Variants in VDR observed in about 807,000 individuals in gnomAD.
VDR encodes the protein vitamin D3 receptor.
Under a neutral mutation model 39.7 loss-of-function variants are expected in VDR, and 19 were observed. That is an observed-to-expected ratio of 0.48 (90% CI 0.33 to 0.70). VDR has a LOEUF of 0.70. Ranked by LOEUF, VDR falls within the 30% of genes least tolerant of loss-of-function variation. The pLI, the probability that VDR is intolerant of heterozygous loss-of-function variation, is 0.02. For synonymous variants in VDR, 242 were observed against 215.8 expected, an observed-to-expected ratio of 1.12 and a Z score of -1.07; for missense variants, 442 against 570.5, an observed-to-expected ratio of 0.77 and a Z score of 2.29.
At chr12:47,851,518 C>T (rs537553904) in intron 7 of VDR, among the ~76,000 whole-genome samples, 2 of 152,322 alleles carry the variant, frequency 1.3e-5, no homozygotes, top group African/African-American at 4.8e-5. Context: ...TCCCCACACC[C>T]TCCGCCCCTG....
rs140258678 is a variant in VDR at position 47,898,992 on chromosome 12, G to T, written c.-84+5963C>A. Among the ~76,000 whole-genome samples, 769 of 152,242 alleles carry T rather than the reference G, an allele frequency of 5.1e-3. 6 individuals carry two copies. Among genetic ancestry groups the T allele is most frequent in the African/African-American group, 0.018 (732 of 41,512 alleles). On this transcript the variant is annotated intron_variant, in intron 1 of 9. Transcript: ENST00000549336. ...TCTTAACTTAGGTGGTAGGTACAGGGTATAGGATTCTTTAATCTATACATA... is the reference window on the plus strand; with the variant it reads ...TCTTAACTTAGGTGGTAGGTACAGGTTATAGGATTCTTTAATCTATACATA...
intron 1 of VDR, among the ~76,000 whole-genome samples, chr12:47,883,976 G>C (rs769073225): frequency 2.0e-5 from 3 of 152,252 alleles, no homozygotes; most frequent in Non-Finnish European, 4.4e-5. Context: ...GGCAGTGGGA[G>C]GTGTCTGCTG....
chr12:47,863,126 G>T (rs1222622254), intron 4 of VDR, among the ~76,000 whole-genome samples: 4 of 152,172 alleles, frequency 2.6e-5, no homozygotes, highest in Non-Finnish European at 5.9e-5. Context: ...CCTGGGCAGG[G>T]CCCCCTGATT....
intron 6 of VDR, 43 bp downstream of exon 6, chr12:47,857,086 G>T: frequency 6.2e-7 from 1 of 1,612,366 alleles, no homozygotes; most frequent in Non-Finnish European, 8.5e-7. Flanking sequence ...TGGACTCCTC[G>T]CCCCCGCTCC....
chr12:47,856,850 T>C (rs1052448055), intron 6 of VDR, among the ~76,000 whole-genome samples: 1 of 152,170 alleles, frequency 6.6e-6, no homozygotes, highest in African/African-American at 2.4e-5. Flanking sequence ...GAGGGGGCCA[T>C]GGGCTGAAGC....
chr12:47,865,001 T>C, intron 4 of VDR, 46 bp downstream of exon 4: 6 of 1,609,796 alleles, frequency 3.7e-6, no homozygotes, highest in Non-Finnish European at 5.1e-6. Context: ...GGCCTTTCCC[T>C]GACTCCACTT....
chr12:47,871,292 C>CTCTTTTTCTT (rs1555153494), intron 3 of VDR, among the ~76,000 whole-genome samples: 5 of 79,880 alleles, frequency 6.3e-5, no homozygotes, highest in African/African-American at 2.3e-4. Context: ...CTTTCTCTTT[C>CTCTTTTTCTT]TCTTTCTTTC....
intron 7 of VDR, among the ~76,000 whole-genome samples, chr12:47,852,424 C>T (rs776938937): frequency 6.6e-6 from 1 of 152,208 alleles, no homozygotes; most frequent in African/African-American, 2.4e-5. Context: ...TTGTGCTCTA[C>T]GGAATGTGTT....
At chr12:47,857,056 C>T (rs1052708339) in intron 6 of VDR, 73 bp downstream of exon 6, 1 of 1,605,472 alleles carries the variant, frequency 6.2e-7, no homozygotes, top group Non-Finnish European at 8.5e-7. Flanking sequence ...TTCCATCCAG[C>T]AGCCCCAGGG....
In VDR at chr12:47,898,169, G is replaced by A. The variant is rs1257658194; in HGVS notation, c.-84+6786C>T. ...CAACTGTACTTAGAGGCCCAGCACAGAGCTCTCTCTGAGACATGTCTCAGG... is the reference window on the plus strand; with the variant it reads ...CAACTGTACTTAGAGGCCCAGCACAAAGCTCTCTCTGAGACATGTCTCAGG... On this transcript the variant is annotated intron_variant, in intron 1 of 9. Coordinates refer to ENST00000549336, the MANE Select transcript of VDR (RefSeq NM_000376.3). Among the ~76,000 whole-genome samples the A allele has an allele frequency of 3.3e-5, 5 of 152,136 alleles. No individual in the cohort carries two copies. The East Asian group carries it at 9.6e-4, about 29-fold the overall frequency.
chr12:47,871,670 G>A (rs555534428), intron 3 of VDR, among the ~76,000 whole-genome samples: 13 of 151,910 alleles, frequency 8.6e-5, no homozygotes, highest in Non-Finnish European at 1.9e-4. Flanking sequence ...TCACCATGTT[G>A]GCCAGACTGG....
At chr12:47,846,829 G>A in intron 7 of VDR, 21 bp from the exon 8 acceptor site, 1 of 1,613,850 alleles carries the variant, frequency 6.2e-7, no homozygotes, top group South Asian at 1.1e-5. Context: ...GGGAGGGAAG[G>A]AGGTCAGGTT....
chr12:47,892,963 A>G (rs938914775), intron 1 of VDR, among the ~76,000 whole-genome samples: 33 of 152,218 alleles, frequency 2.2e-4, no homozygotes, highest in African/African-American at 8.0e-4. Context: ...GATACTGCAC[A>G]TGCAAAAGCT....
chr12:47,879,817 G>T (rs1436772177), intron 2 of VDR, among the ~76,000 whole-genome samples: 1 of 152,006 alleles, frequency 6.6e-6, no homozygotes, highest in Non-Finnish European at 1.5e-5. Context: ...GTCCTTCTGA[G>T]TCATGTGAGT....
chr12:47,853,946 G>A (rs981839815), intron 7 of VDR, among the ~76,000 whole-genome samples: 2 of 151,906 alleles, frequency 1.3e-5, no homozygotes, highest in Non-Finnish European at 2.9e-5. Flanking sequence ...AATTAACACT[G>A]CATGAGTATT....
Position 47,869,018 on chromosome 12 carries a change from G to A in VDR, c.147-3841C>T, listed in dbSNP as rs373386625. ...GGCCCCAGGGCCTATCAGAGGCCCC[G>A]TCTGTCCTTCCCCAGGCTCCAGGGA... On this transcript the variant is annotated intron_variant, in intron 3 of 9. Transcript: ENST00000549336. Among the ~76,000 whole-genome samples, 69 of 152,314 alleles carry A rather than the reference G, an allele frequency of 4.5e-4. No homozygotes were observed. The East Asian group carries it at 7.7e-3, about 17-fold the overall frequency.
intron 2 of VDR, among the ~76,000 whole-genome samples, chr12:47,880,879 A>T (rs1946135286): frequency 7.1e-6 from 1 of 141,034 alleles, no homozygotes; most frequent in South Asian, 2.2e-4. Context: ...TTATATATTA[A>T]TATATATTAA....
At chr12:47,851,003 CTTT>C (rs1945377998) in intron 7 of VDR, among the ~76,000 whole-genome samples, 1 of 152,152 alleles carries the variant, frequency 6.6e-6, no homozygotes, top group Non-Finnish European at 1.5e-5. Context: ...TTCTCAACAA[CTTT>C]TGTCCCTCAC....
chr12:47,882,623 G>GCCCCCGGGGCCCCCCCCCCC, intron 2 of VDR, 71 bp downstream of exon 2: 1 of 543,282 alleles, frequency 1.8e-6, no homozygotes, highest in Non-Finnish European at 3.2e-6. Context: ...ACCTTCTTAT[G>GCCCCCGGGGCCCCCCCCCCC]CCCCTCCCCC....
Sources: gnomAD v4.1 joint callset for allele counts (sites outside exome capture counted in the v4.1 genomes callset) on GRCh38, gnomAD v4.1.1 for gene constraint, MANE v1.5 for transcripts, NCBI Gene and HGNC (gene_info 2026-07-23, HGNC 2026-07-21) for gene names.